The following IFT74 variants were observed in gnomAD, a reference collection of about 807,000 sequenced individuals.
The protein encoded by IFT74 is intraflagellar transport 74, also known as intraflagellar transport protein 74 homolog.
A neutral mutation model predicts 96.7 loss-of-function variants in IFT74; 92 were observed. That is an observed-to-expected ratio of 0.95 (90% CI 0.80 to 1.13). The LOEUF (loss-of-function observed/expected upper bound fraction) is 1.13. Among genes scored for constraint, IFT74 ranks in the 50% most tolerant of loss-of-function variants. The pLI, the probability that IFT74 is intolerant of heterozygous loss-of-function variation, is 0.00. For synonymous variants in IFT74, 223 were observed against 213.2 expected, an observed-to-expected ratio of 1.05 and a Z score of -0.40; for missense variants, 811 against 698.2, an observed-to-expected ratio of 1.16 and a Z score of -1.82.
chr9:27,052,691 C>G (rs908862637), intron 16 of IFT74, among the ~76,000 whole-genome samples: 3 of 152,016 alleles, frequency 2.0e-5, no homozygotes, highest in Non-Finnish European at 4.4e-5. Flanking sequence ...ATTTCATTTA[C>G]TACATTGTTT....
chr9:27,053,381 A>G (rs1820019197), intron 16 of IFT74, among the ~76,000 whole-genome samples: 1 of 152,036 alleles, frequency 6.6e-6, no homozygotes, highest in African/African-American at 2.4e-5. Flanking sequence ...AGGTTGAGAA[A>G]CACTGGTGTA....
intron 7 of IFT74, among the ~76,000 whole-genome samples, chr9:26,989,018 T>G (rs1288036622): frequency 6.6e-6 from 1 of 152,186 alleles, no homozygotes. Context: ...TTATATATAT[T>G]AGTTTACAGT....
intron 13 of IFT74, among the ~76,000 whole-genome samples, chr9:27,031,422 G>A (rs1157125768): frequency 6.6e-6 from 1 of 151,660 alleles, no homozygotes; most frequent in South Asian, 2.1e-4. Context: ...AGCCAAGATC[G>A]CGCCTCTATG....
chr9:26,998,625 A>G (rs993768774), intron 8 of IFT74, among the ~76,000 whole-genome samples: 3 of 152,218 alleles, frequency 2.0e-5, no homozygotes, highest in Non-Finnish European at 2.9e-5. Flanking sequence ...TGAGGAAATT[A>G]TTTTAAACTA....
intron 8 of IFT74, chr9:26,994,931 T>G (rs1828065170): frequency 6.6e-6 from 1 of 152,380 alleles, no homozygotes; most frequent in South Asian, 2.1e-4. Flanking sequence ...CAATAGTGAC[T>G]TATTAGGGAT....
rs1435562432 is a variant in IFT74 at position 27,063,862 on chromosome 9, G to A, written c.*1126G>A. On this transcript the variant is annotated 3_prime_UTR_variant, in exon 20 of 20. Coordinates refer to ENST00000380062, the MANE Select transcript of IFT74 (RefSeq NM_025103.4). ...GCATTGTTGAGTTTGCTGAACTCTGGATTACTAATATGGCTGAAGATCCTG... is the reference window on the plus strand; with the variant it reads ...GCATTGTTGAGTTTGCTGAACTCTGAATTACTAATATGGCTGAAGATCCTG... Among the ~76,000 whole-genome samples, 1 of 151,902 alleles carries A rather than the reference G, an allele frequency of 6.6e-6. No individual in the cohort carries two copies. The highest frequency in any genetic ancestry group is 1.9e-4 in the East Asian group (1 of 5,184).
intron 13 of IFT74, among the ~76,000 whole-genome samples, chr9:27,035,449 T>C (rs1382863802): frequency 6.6e-6 from 1 of 151,946 alleles, no homozygotes; most frequent in African/African-American, 2.4e-5. Flanking sequence ...AATGGTGGTA[T>C]TACATCTACA....
At position 27,043,349 on chromosome 9, in the gene IFT74, G is replaced by A. The variant is rs533205415; in HGVS notation, c.1055-1393G>A. ...GCAGAAAAGCTGTTTGCTAATCCAC[G>A]TCTCTGACTTTGCCATCACCCTTGT... is the stretch of plus-strand genomic sequence containing the variant. On this transcript the variant is annotated intron_variant, in intron 13 of 19. Transcript: ENST00000380062. 1.8e-4 allele frequency among the ~76,000 whole-genome samples: 28 copies of A among 152,278 alleles called. No homozygotes were observed. The South Asian group carries it at 3.5e-3, about 19-fold the overall frequency.
Position 26,978,112 on chromosome 9 carries a change from C to A in IFT74, c.121-16C>A, listed in dbSNP as rs764762196. ...TTTTCTGGTTTACTAAAAATGAAAT[C>A]TTGTTTGTCATTTAGATGCCACCTG... On this transcript the variant is annotated splice_polypyrimidine_tract_variant and intron_variant, in intron 2 of 19. Coordinates refer to ENST00000380062, the MANE Select transcript of IFT74 (RefSeq NM_025103.4). The A allele has an allele frequency of 1.9e-6, 3 of 1,553,978 alleles. No individual in the cohort carries two copies. Among genetic ancestry groups the A allele is most frequent in the South Asian group, 1.2e-5 (1 of 80,832 alleles).
intron 18 of IFT74, 64 bp downstream of exon 18, chr9:27,056,523 A>G: frequency 2.1e-6 from 3 of 1,419,186 alleles, no homozygotes; most frequent in Non-Finnish European, 2.9e-6. Flanking sequence ...AAAACAATCA[A>G]TTTTTTATTT....
intron 9 of IFT74, 145 bp from the exon 10 acceptor site, chr9:27,011,761 T>G: frequency 2.4e-6 from 1 of 421,414 alleles, no homozygotes; most frequent in Non-Finnish European, 4.3e-6. Context: ...AAGATGCCAG[T>G]GAAGATATTT....
At chr9:27,057,402 A>G (rs1820215286) in intron 18 of IFT74, among the ~76,000 whole-genome samples, 1 of 152,202 alleles carries the variant, frequency 6.6e-6, no homozygotes, top group Non-Finnish European at 1.5e-5. Context: ...TGGTTGGCAC[A>G]TAGTAGGTAC....
chr9:27,020,256 C>T (rs903594258), intron 12 of IFT74, among the ~76,000 whole-genome samples: 6 of 152,040 alleles, frequency 3.9e-5, no homozygotes, highest in African/African-American at 1.4e-4. Context: ...CTGATTACAA[C>T]TTATGAAATT....
chr9:27,045,756 C>T (rs1273501783), intron 14 of IFT74, among the ~76,000 whole-genome samples: 1 of 152,168 alleles, frequency 6.6e-6, no homozygotes, highest in East Asian at 1.9e-4. Flanking sequence ...TAGTTACCTT[C>T]ATGGAGGCAT....
At chr9:27,041,224 C>G (rs1819462809) in intron 13 of IFT74, among the ~76,000 whole-genome samples, 3 of 152,206 alleles carry the variant, frequency 2.0e-5, no homozygotes, top group South Asian at 4.2e-4. Context: ...CCCATGTTAC[C>G]CGATAAAGTA....
At chr9:26,990,710 G>A (rs189681935) in intron 8 of IFT74, among the ~76,000 whole-genome samples, 1 of 152,320 alleles carries the variant, frequency 6.6e-6, no homozygotes, top group Admixed American at 6.5e-5. Context: ...AATTGTGGCA[G>A]TGGGAGTAAT....
intron 11 of IFT74, among the ~76,000 whole-genome samples, chr9:27,017,680 C>G (rs191831612): frequency 2.9e-3 from 444 of 152,272 alleles, no homozygotes; most frequent in South Asian, 6.4e-3. Context: ...TATCCCAAGG[C>G]TAATGACTTT....
At chr9:26,958,875 A>C (rs1826232240) in intron 1 of IFT74, among the ~76,000 whole-genome samples, 1 of 152,148 alleles carries the variant, frequency 6.6e-6, no homozygotes, top group African/African-American at 2.4e-5. Context: ...ATCTTAGAAA[A>C]TGCTCTATAT....
chr9:27,010,966 G>T lies in IFT74; in HGVS notation c.727-940G>T, dbSNP rs1300742395. ...AATGCCAATAATGATTATAGTTTTA[G>T]TTTCTTAGACATTCCTTTGCTGACA... On this transcript the variant is annotated intron_variant, in intron 9 of 19. Coordinates refer to ENST00000380062, the MANE Select transcript of IFT74 (RefSeq NM_025103.4). Among the ~76,000 whole-genome samples, 3 of 152,288 alleles carry T rather than the reference G, an allele frequency of 2.0e-5. No homozygotes were observed. The East Asian group carries it at 5.8e-4, about 29-fold the overall frequency.
Sources: allele counts gnomAD v4.1 joint callset (sites outside exome capture counted in the v4.1 genomes callset), GRCh38; gene constraint gnomAD v4.1.1; transcripts MANE v1.5; gene names NCBI Gene and HGNC (gene_info 2026-07-23, HGNC 2026-07-21).